The following BGN variants were observed in gnomAD, a reference collection of about 807,000 sequenced individuals.
The protein encoded by BGN is biglycan, also known as bone/cartilage proteoglycan-I.
In BGN, 6 loss-of-function variants were observed where a neutral mutation model predicts 20.0. The observed-to-expected ratio is 0.30, with a 90% CI of 0.16 to 0.59. The LOEUF is 0.59. BGN is among the 20% of genes least tolerant of loss of function. The probability of loss-of-function intolerance (pLI) is 0.88; values close to 1 mark genes in which losing one functional copy is unlikely to be tolerated. For synonymous variants in BGN, 146 were observed against 134.6 expected, an observed-to-expected ratio of 1.08 and a Z score of -0.59; for missense variants, 292 against 312.1, an observed-to-expected ratio of 0.94 and a Z score of 0.49.
chrX:153,505,110 T>A (rs1390572397), intron 2 of BGN, 128 bp from the exon 3 acceptor site: 1 of 600,699 alleles, frequency 1.7e-6, no homozygotes, highest in East Asian at 3.3e-5. Flanking sequence ...GTGGGGCTAG[T>A]CGGCTGGATG....
At position 153,504,692 on chromosome X, in the gene BGN, C is replaced by G; in HGVS notation, c.61C>G (p.Gln21Glu). The change falls in exon 2 of 8, where the codon CAG becomes GAG. Residue 21 changes from glutamine to glutamate, a missense_variant. Gln to Glu is a conservative substitution (Grantham distance 29). Coordinates refer to ENST00000331595, the MANE Select transcript of BGN (RefSeq NM_001711.6). ...LALSQALPFE[Q>E]RGFWDFTLDD... ...CCTGAGCCAGGCCCTGCCCTTTGAG[C>G]AGAGAGGCTTCTGGGACTTCACCCT... The G allele has an allele frequency of 8.3e-7, 1 of 1,211,943 alleles. No individual in the cohort carries two copies. The highest frequency in any genetic ancestry group is 1.1e-6 in the Non-Finnish European group (1 of 895,503).
At chrX:153,503,991 C>T (rs185370850) in intron 1 of BGN, among the ~76,000 whole-genome samples, 1,199 of 111,927 alleles carry the variant, frequency 0.011, 7 homozygotes, top group Non-Finnish European at 0.016. Flanking sequence ...ACTTTACCCA[C>T]GGCCTCCAAG....
At chrX:153,506,446 C>G in intron 4 of BGN, 83 bp from the exon 5 acceptor site, 1 of 895,107 alleles carries the variant, frequency 1.1e-6, no homozygotes, top group Non-Finnish European at 1.6e-6. Flanking sequence ...GTAGCAGGGC[C>G]CACCACACTG....
At chrX:153,500,410 C>G (rs1387961651) in intron 1 of BGN, among the ~76,000 whole-genome samples, 3 of 111,836 alleles carry the variant, frequency 2.7e-5, no homozygotes, top group African/African-American at 9.8e-5. Context: ...TCCCTGAAGA[C>G]ACACCCAGAG....
chrX:153,504,967 G>C, intron 2 of BGN, 98 bp downstream of exon 2: 1 of 908,298 alleles, frequency 1.1e-6, no homozygotes, highest in Non-Finnish European at 1.5e-6. Context: ...CTGTGGGACG[G>C]TGGCGAGCAT....
intron 5 of BGN, 46 bp from the exon 6 acceptor site, chrX:153,506,784 T>C (rs2089803732): frequency 8.5e-7 from 1 of 1,179,047 alleles, no homozygotes. Flanking sequence ...CTAGGGCCCC[T>C]GCCCTCAGCA....
intron 7 of BGN, among the ~76,000 whole-genome samples, chrX:153,507,799 A>G (rs2089814139): frequency 8.8e-6 from 1 of 113,579 alleles, no homozygotes; most frequent in Admixed American, 9.2e-5. Flanking sequence ...CGCTCCTCCC[A>G]GAGACAGCAA....
At position 153,504,867 on chromosome X, in the gene BGN, T is replaced by G; in HGVS notation, c.236T>G (p.Leu79Arg). The G allele has an allele frequency of 1.7e-6, 2 of 1,200,606 alleles. No homozygotes were observed. The highest frequency in any genetic ancestry group is 2.2e-6 in the Non-Finnish European group (2 of 890,767). The change falls in exon 2 of 8, where the codon CTG becomes CGG. Residue 79 changes from leucine (L) to arginine (R), a missense_variant and splice_region_variant. Physicochemically the swap from Leu to Arg is moderately radical, Grantham distance 102. Coordinates refer to ENST00000331595, the MANE Select transcript of BGN (RefSeq NM_001711.6). Reference sequence around the variant, plus strand: ...CTGCGGGTGGTTCAGTGCTCCGACCTGGGTTTGTCCCTGAGTGATGGGGAG... The same window carrying G: ...CTGCGGGTGGTTCAGTGCTCCGACCGGGGTTTGTCCCTGAGTGATGGGGAG... ...CHLRVVQCSD[L>R]GLKSVPKEIS...
chrX:153,508,213 G>A (rs2089817278), intron 7 of BGN, 35 bp from the exon 8 acceptor site: 1 of 1,194,823 alleles, frequency 8.4e-7, no homozygotes, highest in African/African-American at 1.7e-5. Context: ...GTGGAGGGAG[G>A]GAGGCCTGCC....
intron 1 of BGN, among the ~76,000 whole-genome samples, chrX:153,500,323 C>T (rs781968999): frequency 6.2e-5 from 7 of 112,505 alleles, no homozygotes; most frequent in Non-Finnish European, 1.1e-4. Flanking sequence ...CATTGCCGCC[C>T]CTGTCCTTTG....
chrX:153,500,771 G>GTGTGTGTGCA (rs782098706), intron 1 of BGN, among the ~76,000 whole-genome samples: 8 of 109,909 alleles, frequency 7.3e-5, no homozygotes, highest in Non-Finnish European at 1.3e-4. Flanking sequence ...GTATGTGTGC[G>GTGTGTGTGCA]TGTGTGTGCA....
intron 1 of BGN, among the ~76,000 whole-genome samples, chrX:153,498,535 G>A (rs1356026561): frequency 9.8e-5 from 11 of 112,818 alleles, no homozygotes; most frequent in African/African-American, 3.5e-4. Context: ...TAAGCAGGCT[G>A]TGGGCCACCC....
intron 2 of BGN, 40 bp from the exon 3 acceptor site, chrX:153,505,198 G>A: frequency 9.0e-7 from 1 of 1,115,063 alleles, no homozygotes; most frequent in Non-Finnish European, 1.2e-6. Context: ...GGGGCCCCTA[G>A]GTCTCAAGTT....
At chrX:153,505,646 G>A (rs781814628) in intron 3 of BGN, among the ~76,000 whole-genome samples, 5 of 112,259 alleles carry the variant, frequency 4.5e-5, no homozygotes, top group African/African-American at 1.3e-4. Flanking sequence ...GCCAGTGTGC[G>A]TGTGAGGAAA....
At position 153,508,570 on chromosome X, in the gene BGN, C is replaced by G; in HGVS notation, c.*125C>G. ...AGCTGCGTCCAACCCAGCCCCCCACCTCGGGTCCCTGACCCCAGCTCGATG... is the reference window on the plus strand; with the variant it reads ...AGCTGCGTCCAACCCAGCCCCCCACGTCGGGTCCCTGACCCCAGCTCGATG... On this transcript the variant is annotated 3_prime_UTR_variant, in exon 8 of 8. Coordinates refer to ENST00000331595, the MANE Select transcript of BGN (RefSeq NM_001711.6). 1.9e-5 allele frequency: 16 copies of G among 838,566 alleles called. No homozygotes were observed. The highest frequency in any genetic ancestry group is 2.5e-5 in the South Asian group (1 of 39,321). The allele number at this position is 838,566 out of a possible 1,213,427, so 69.1% of individuals were successfully genotyped here.
intron 1 of BGN, among the ~76,000 whole-genome samples, chrX:153,498,879 G>A (rs1362760220): frequency 8.9e-6 from 1 of 112,441 alleles, no homozygotes; most frequent in Non-Finnish European, 1.9e-5. Context: ...AGCTACTGAT[G>A]GTCCTCAGAA....
chrX:153,500,305 G>A (rs1472919880), intron 1 of BGN, among the ~76,000 whole-genome samples: 1 of 112,712 alleles, frequency 8.9e-6, no homozygotes, highest in Admixed American at 9.3e-5. Flanking sequence ...CAAACCTGGG[G>A]CTTATGCCAT....
chrX:153,505,952 G>C lies in BGN; in HGVS notation c.441G>C (p.Lys147Asn). ...AGCTGCAGAAGCTCTACATCTCCAA[G>C]AACCACCTGGTGGAGATCCCGCCCA... is the stretch of plus-strand genomic sequence containing the variant. ...LRKLQKLYISKNHLVEIPPNL... is the reference protein window; with the variant it reads ...LRKLQKLYISNNHLVEIPPNL... Residue 147 changes from lysine to asparagine, a missense_variant, in exon 4 of 8, where the codon AAG becomes AAC. Coordinates refer to ENST00000331595, the MANE Select transcript of BGN (RefSeq NM_001711.6). 2 of 1,211,481 alleles carry C rather than the reference G, an allele frequency of 1.7e-6. No homozygotes were observed. The highest frequency in any genetic ancestry group is 2.2e-6 in the Non-Finnish European group (2 of 895,256).
chrX:153,504,558 G>A lies in BGN; in HGVS notation c.-11-63G>A, dbSNP rs59240056. The A allele has an allele frequency of 6.3e-6, 6 of 951,629 alleles. No individual in the cohort carries two copies. In the East Asian group the frequency reaches 9.4e-5, roughly 15 times the overall value. 78.4% of individuals were successfully genotyped at this position (951,629 alleles called of 1,213,427 possible). A position where few individuals can be genotyped will look rare whatever the true frequency, so the allele number is the denominator to read the frequency against. On this transcript the variant is annotated intron_variant, in intron 1 of 7. Transcript: ENST00000331595. ...GTGCCACCACACACGCGGAACACCA[G>A]CCCCTGGCATGGAGAAGACAGGTGG...
Sources: gnomAD v4.1 joint callset for allele counts (sites outside exome capture counted in the v4.1 genomes callset) on GRCh38, gnomAD v4.1.1 for gene constraint, MANE v1.5 for transcripts, NCBI Gene and HGNC (gene_info 2026-07-23, HGNC 2026-07-21) for gene names.